Variants in LIN52 observed in about 807,000 individuals in gnomAD.
LIN52 encodes lin-52 DREAM MuvB core complex component.
In LIN52, 4 loss-of-function variants were observed where a neutral mutation model predicts 18.5. That is an observed-to-expected ratio of 0.22 (90% CI 0.11 to 0.49). The LOEUF is 0.49. Among genes scored for constraint, LIN52 ranks in the 20% least tolerant of loss-of-function variants. The probability of loss-of-function intolerance (pLI) is 0.97; values close to 1 mark genes in which losing one functional copy is unlikely to be tolerated. For missense variants in LIN52, 102 were observed against 139.5 expected (o/e 0.73, Z 1.35); for synonymous variants, 34 against 45.5 (o/e 0.75, Z 1.02).
At chr14:74,085,066 G>A (rs147279776) in intron 1 of LIN52, 73 bp downstream of exon 1, 527 of 1,250,096 alleles carry the variant, frequency 4.2e-4, no homozygotes, top group Non-Finnish European at 5.1e-4. Flanking sequence ...CTCTGTCTCT[G>A]CCCCTCGAAC....
At chr14:74,183,493 T>C (rs2061328155) in intron 5 of LIN52, among the ~76,000 whole-genome samples, 2 of 152,202 alleles carry the variant, frequency 1.3e-5, no homozygotes, top group Admixed American at 1.3e-4. Context: ...CTTCCCTGAG[T>C]ACTCATTCAT....
chr14:74,196,601 C>T (rs910883987), intron 5 of LIN52, among the ~76,000 whole-genome samples: 1 of 152,030 alleles, frequency 6.6e-6, no homozygotes, highest in Non-Finnish European at 1.5e-5. Context: ...CCCAATCTGC[C>T]CAAAAGTATA....
chr14:74,189,760 T>C (rs2061355602), intron 5 of LIN52, among the ~76,000 whole-genome samples: 1 of 152,230 alleles, frequency 6.6e-6, no homozygotes, highest in Non-Finnish European at 1.5e-5. Context: ...TCCTGCTTGA[T>C]GTTTTATATT....
chr14:74,093,357 T>G (rs1053557795), intron 2 of LIN52, among the ~76,000 whole-genome samples: 1 of 139,152 alleles, frequency 7.2e-6, no homozygotes, highest in African/African-American at 2.7e-5. Context: ...GGAGTTTCAC[T>G]CTTGTTCCCC....
chr14:74,177,838 C>T (rs2061300562), intron 5 of LIN52, among the ~76,000 whole-genome samples: 1 of 151,916 alleles, frequency 6.6e-6, no homozygotes, highest in Non-Finnish European at 1.5e-5. Context: ...AGTGCAATGG[C>T]GTGATCTCTG....
chr14:74,095,236 C>G (rs2060802192), intron 2 of LIN52, among the ~76,000 whole-genome samples: 1 of 146,976 alleles, frequency 6.8e-6, no homozygotes, highest in Non-Finnish European at 1.5e-5. Flanking sequence ...ATTTCAGCCT[C>G]AACTTCCCGG....
chr14:74,109,011 C>CT (rs1015170527), intron 5 of LIN52, among the ~76,000 whole-genome samples: 4 of 152,180 alleles, frequency 2.6e-5, no homozygotes, highest in Non-Finnish European at 5.9e-5. Context: ...CCTGTGTTTT[C>CT]TTTTAAGAGT....
chr14:74,116,612 A>G (rs2060966236), intron 5 of LIN52, among the ~76,000 whole-genome samples: 1 of 151,872 alleles, frequency 6.6e-6, no homozygotes, highest in Non-Finnish European at 1.5e-5. Context: ...AGGCTGAAGC[A>G]GGAGAATCAC....
intron 5 of LIN52, among the ~76,000 whole-genome samples, chr14:74,186,161 C>T (rs1053039709): frequency 6.6e-6 from 1 of 152,028 alleles, no homozygotes; most frequent in Non-Finnish European, 1.5e-5. Context: ...CATGGTGGCT[C>T]ACACCTGTAA....
intron 1 of LIN52, among the ~76,000 whole-genome samples, chr14:74,086,621 C>T (rs2060733974): frequency 6.6e-6 from 1 of 151,770 alleles, no homozygotes; most frequent in African/African-American, 2.4e-5. Context: ...TGCCACTGCA[C>T]TCCAGTCTGT....
intron 5 of LIN52, among the ~76,000 whole-genome samples, chr14:74,119,456 A>G (rs1248482454): frequency 6.6e-6 from 1 of 151,940 alleles, no homozygotes; most frequent in Admixed American, 6.6e-5. Context: ...GAGCCGCCGC[A>G]CCTGGGCCGT....
intron 5 of LIN52, among the ~76,000 whole-genome samples, chr14:74,136,811 T>G (rs1335977798): frequency 1.3e-5 from 2 of 152,094 alleles, no homozygotes; most frequent in African/African-American, 2.4e-5. Flanking sequence ...GCTGCCCCCC[T>G]TAATCAGAGT....
chr14:74,193,748 C>T (rs1340433896), intron 5 of LIN52, among the ~76,000 whole-genome samples: 4 of 151,992 alleles, frequency 2.6e-5, no homozygotes, highest in Non-Finnish European at 5.9e-5. Flanking sequence ...TGGTAATTTG[C>T]CTATGTGGCC....
chr14:74,107,387 T>TC (rs1449855979), intron 5 of LIN52, among the ~76,000 whole-genome samples: 2 of 152,202 alleles, frequency 1.3e-5, no homozygotes, highest in Non-Finnish European at 2.9e-5. Flanking sequence ...CTCAGCAGTT[T>TC]TTACCCTCTC....
At chr14:74,104,431 A>G (rs1202052037) in intron 5 of LIN52, among the ~76,000 whole-genome samples, 2 of 151,640 alleles carry the variant, frequency 1.3e-5, no homozygotes, top group Non-Finnish European at 2.9e-5. Flanking sequence ...CCTGCATTTT[A>G]TTTCCCCTTG....
chr14:74,165,130 T>C (rs1225098656), intron 5 of LIN52, among the ~76,000 whole-genome samples: 1 of 152,176 alleles, frequency 6.6e-6, no homozygotes, highest in Non-Finnish European at 1.5e-5. Flanking sequence ...TAGTTAATAA[T>C]ATGCCTTAGC....
chr14:74,181,563 G>A (rs2061318754), intron 5 of LIN52, among the ~76,000 whole-genome samples: 1 of 151,856 alleles, frequency 6.6e-6, no homozygotes, highest in East Asian at 1.9e-4. Flanking sequence ...ATTATGGTCT[G>A]TATTATCATT....
intron 5 of LIN52, among the ~76,000 whole-genome samples, chr14:74,197,353 T>C (rs1305966903): frequency 6.6e-6 from 1 of 152,168 alleles, no homozygotes; most frequent in East Asian, 1.9e-4. Flanking sequence ...ATAAGGGCTA[T>C]ATGAATTAAT....
At chr14:74,185,990 G>T (rs150196110) in intron 5 of LIN52, among the ~76,000 whole-genome samples, 1,527 of 152,228 alleles carry the variant, frequency 0.01, 22 homozygotes, top group Admixed American at 0.029. Flanking sequence ...GATGCTCAGT[G>T]TTTAATTAAG....
Sources: allele counts gnomAD v4.1 joint callset (sites outside exome capture counted in the v4.1 genomes callset), GRCh38; gene constraint gnomAD v4.1.1; transcripts MANE v1.5; gene names NCBI Gene and HGNC (gene_info 2026-07-23, HGNC 2026-07-21).